The following AGBL1 variants were observed in gnomAD, a reference collection of about 807,000 sequenced individuals.
AGBL1 encodes the protein AGBL carboxypeptidase 1.
In AGBL1, 130 loss-of-function variants were observed where a neutral mutation model predicts 118.9. The ratio of observed to expected loss-of-function variants is 1.09; its 90% CI spans 0.95 to 1.26. AGBL1 has a LOEUF of 1.26. Ranked by LOEUF, AGBL1 falls within the 50% of genes most tolerant of loss-of-function variation. The pLI is 0.00. For missense variants in AGBL1, 1,584 were observed against 1,298.1 expected, an observed-to-expected ratio of 1.22 and a Z score of -3.38; for synonymous variants, 555 against 478.9, an observed-to-expected ratio of 1.16 and a Z score of -2.08.
chr15:87,004,911 C>T (rs966999424), intron 24 of AGBL1, among the ~76,000 whole-genome samples: 1 of 152,106 alleles, frequency 6.6e-6, no homozygotes, highest in South Asian at 2.1e-4. Context: ...CTCTCATTTG[C>T]TTGTCTGTAC....
chr15:86,497,998 A>C (rs2082874532), intron 18 of AGBL1, among the ~76,000 whole-genome samples: 1 of 151,852 alleles, frequency 6.6e-6, no homozygotes, highest in Non-Finnish European at 1.5e-5. Context: ...GTAATTTTGG[A>C]GGGGGTTTCT....
chr15:86,578,328 A>G (rs971465923), intron 21 of AGBL1, among the ~76,000 whole-genome samples: 1 of 152,180 alleles, frequency 6.6e-6, no homozygotes, highest in Non-Finnish European at 1.5e-5. Flanking sequence ...AATTTCTCCC[A>G]TTTAGAATGG....
At chr15:86,834,196 A>C (rs2079142514) in intron 22 of AGBL1, among the ~76,000 whole-genome samples, 1 of 152,142 alleles carries the variant, frequency 6.6e-6, no homozygotes, top group Non-Finnish European at 1.5e-5. Flanking sequence ...ACAAAGGTAA[A>C]AACAAGTGTT....
intron 22 of AGBL1, among the ~76,000 whole-genome samples, chr15:86,709,011 T>A (rs1220379525): frequency 6.6e-6 from 1 of 152,158 alleles, no homozygotes; most frequent in African/African-American, 2.4e-5. Context: ...CTGAGCCCAC[T>A]TAACTAAAAG....
chr15:86,734,661 C>G (rs763649346), intron 22 of AGBL1, among the ~76,000 whole-genome samples: 31 of 152,132 alleles, frequency 2.0e-4, no homozygotes, highest in Non-Finnish European at 4.4e-5. Flanking sequence ...CTATACTTCT[C>G]TATTGCGACA....
In AGBL1 at chr15:86,676,398, C is replaced by A. The variant is rs537346113; in HGVS notation, c.3158+1962C>A. Among the ~76,000 whole-genome samples the A allele has an allele frequency of 2.6e-5, 4 of 152,174 alleles. No homozygotes were observed. In the East Asian group the frequency reaches 7.7e-4, roughly 29 times the overall value. On this transcript the variant is annotated intron_variant, in intron 22 of 22. Transcript: ENST00000614907. ...GGAGATCACCGTGAGCATTTCTTGA[C>A]CCCAAAAATGTTCCAGCCAATAAGC...
chr15:87,003,529 T>C (rs1264426594), intron 24 of AGBL1, among the ~76,000 whole-genome samples: 7 of 152,292 alleles, frequency 4.6e-5, no homozygotes, highest in African/African-American at 1.7e-4. Flanking sequence ...TTTCTATTAA[T>C]TGGAATAGTT....
At chr15:86,623,738 G>C (rs966205870) in intron 21 of AGBL1, among the ~76,000 whole-genome samples, 1 of 152,130 alleles carries the variant, frequency 6.6e-6, no homozygotes, top group African/African-American at 2.4e-5. Context: ...GCAATAATTC[G>C]AAATCCTGTT....
chr15:87,017,558 G>T (rs950096106), intron 24 of AGBL1, among the ~76,000 whole-genome samples: 2 of 152,136 alleles, frequency 1.3e-5, no homozygotes, highest in African/African-American at 4.8e-5. Flanking sequence ...CAGAAGAATA[G>T]CTTGACTGTT....
At chr15:86,303,794 G>T (rs1405117153) in intron 17 of AGBL1, among the ~76,000 whole-genome samples, 4 of 152,040 alleles carry the variant, frequency 2.6e-5, no homozygotes, top group Non-Finnish European at 5.9e-5. Context: ...GTGATATAAT[G>T]ATTTGCATAT....
intron 22 of AGBL1, among the ~76,000 whole-genome samples, chr15:86,684,628 T>C (rs77660614): frequency 0.011 from 1,745 of 152,204 alleles, 26 homozygotes; most frequent in East Asian, 0.071. Context: ...ACCCGTAGCA[T>C]AGTTTAGATC....
At chr15:86,540,000 G>A (rs763620722) in intron 19 of AGBL1, among the ~76,000 whole-genome samples, 10 of 152,144 alleles carry the variant, frequency 6.6e-5, no homozygotes, top group Admixed American at 1.3e-4. Context: ...CTGGGTTAGG[G>A]CAAACTGGGG....
intron 1 of AGBL1, chr15:86,139,771 T>C (rs1000306810): frequency 1.3e-5 from 2 of 153,578 alleles, no homozygotes; most frequent in African/African-American, 4.8e-5. Flanking sequence ...TGATTTTTTT[T>C]TTTTTTAAAA....
intron 23 of AGBL1, among the ~76,000 whole-genome samples, chr15:86,987,284 T>C (rs1397640914): frequency 2.0e-5 from 3 of 152,344 alleles, no homozygotes; most frequent in Middle Eastern, 3.4e-3. Context: ...AGTGGTGTTT[T>C]TGCATTACAT....
intron 22 of AGBL1, among the ~76,000 whole-genome samples, chr15:86,831,364 T>C (rs746779636): frequency 3.3e-5 from 5 of 152,182 alleles, no homozygotes; most frequent in Non-Finnish European, 5.9e-5. Context: ...CAAAAGTCCA[T>C]AGTCCAAAGT....
intron 23 of AGBL1, among the ~76,000 whole-genome samples, chr15:86,952,019 T>G (rs1490838651): frequency 6.6e-6 from 1 of 152,058 alleles, no homozygotes; most frequent in Non-Finnish European, 1.5e-5. Context: ...GATCACAAGA[T>G]CAGGAGTTCC....
chr15:86,422,595 G>C (rs1362937151), intron 18 of AGBL1, among the ~76,000 whole-genome samples: 3 of 151,918 alleles, frequency 2.0e-5, no homozygotes, highest in African/African-American at 7.2e-5. Flanking sequence ...AATACTTAGA[G>C]CAGAACGGAA....
intron 22 of AGBL1, among the ~76,000 whole-genome samples, chr15:86,719,594 C>T (rs889002510): frequency 6.6e-6 from 1 of 152,070 alleles, no homozygotes; most frequent in Admixed American, 6.5e-5. Context: ...TTCAGTCATC[C>T]TATCCTCCCT....
In AGBL1 at chr15:86,850,479, C is replaced by T. The variant is rs1025540310; in HGVS notation, c.3159-56608C>T. Among the ~76,000 whole-genome samples, 90 of 152,346 alleles carry T rather than the reference C, an allele frequency of 5.9e-4. No individual in the cohort carries two copies. The Middle Eastern group carries it at 0.01, about 17-fold the overall frequency. On this transcript the variant is annotated intron_variant, in intron 22 of 22. Transcript: ENST00000614907. ...GCCAAAGAACCAAGTACCCAATCGT[C>T]CTCACACCATGGGTGCCCCACTGCG...
Sources: gnomAD v4.1 joint callset for allele counts (sites outside exome capture counted in the v4.1 genomes callset) on GRCh38, gnomAD v4.1.1 for gene constraint, MANE v1.5 for transcripts, NCBI Gene and HGNC (gene_info 2026-07-23, HGNC 2026-07-21) for gene names.